KLF8: variants seen among roughly 807,000 people sequenced by gnomAD.
KLF8 encodes Krueppel-like factor 8.
In KLF8, 10 loss-of-function variants were observed where a neutral mutation model predicts 18.2. The observed-to-expected ratio is 0.55, with a 90% CI of 0.34 to 0.93. The LOEUF (loss-of-function observed/expected upper bound fraction) is 0.93, where lower values mean the gene tolerates loss of function less well. KLF8 is among the 40% of genes least tolerant of loss of function. The probability of loss-of-function intolerance (pLI) is 0.02; values close to 1 mark genes in which losing one functional copy is unlikely to be tolerated. For missense variants in KLF8, 264 were observed against 277.9 expected, an observed-to-expected ratio of 0.95 and a Z score of 0.36; for synonymous variants, 109 against 97.3, an observed-to-expected ratio of 1.12 and a Z score of -0.71.
the KLF8 span, among the ~76,000 whole-genome samples, chrX:55,950,271 A>G: frequency 9.0e-6 from 1 of 110,813 alleles, no homozygotes; most frequent in African/African-American, 3.3e-5. Flanking sequence ...CAAGAAGAAG[A>G]GCTGGTTGTC....
chrX:56,026,232 C>T, the KLF8 span, among the ~76,000 whole-genome samples: 1 of 111,489 alleles, frequency 9.0e-6, no homozygotes, highest in Non-Finnish European at 1.9e-5. Flanking sequence ...CCATCATGGC[C>T]GCAGAGGAGC....
At chrX:56,055,679 C>T in the KLF8 span, among the ~76,000 whole-genome samples, 1 of 111,990 alleles carries the variant, frequency 8.9e-6, no homozygotes, top group South Asian at 3.7e-4. Context: ...TTTACACTCT[C>T]TCCATCTTTC....
At chrX:56,108,237 T>C in the KLF8 span, among the ~76,000 whole-genome samples, 1 of 112,167 alleles carries the variant, frequency 8.9e-6, no homozygotes, top group Admixed American at 9.5e-5. Context: ...TCCAGTGCAA[T>C]GTTGAATAGC....
At chrX:55,954,286 A>G in the KLF8 span, among the ~76,000 whole-genome samples, 237 of 111,885 alleles carry the variant, frequency 2.1e-3, no homozygotes, top group Middle Eastern at 9.3e-3. Context: ...TACTACAAGG[A>G]AAGGATCAAC....
chrX:56,036,621 C>G, the KLF8 span, among the ~76,000 whole-genome samples: 1 of 112,143 alleles, frequency 8.9e-6, no homozygotes, highest in Non-Finnish European at 1.9e-5. Context: ...GTGCTTCCTG[C>G]AGCCTTGTTC....
the KLF8 span, among the ~76,000 whole-genome samples, chrX:56,126,492 CA>C: frequency 9.0e-6 from 1 of 111,355 alleles, no homozygotes; most frequent in Non-Finnish European, 1.9e-5. Flanking sequence ...TAGATCAGAT[CA>C]CACCTCCACT....
chrX:56,140,797 T>TAAAAAAAAA, the KLF8 span, among the ~76,000 whole-genome samples: 1 of 43,912 alleles, frequency 2.3e-5, no homozygotes, highest in Non-Finnish European at 4.0e-5. Flanking sequence ...GCCCCTCCAG[T>TAAAAAAAAA]AAAAAAAAAA....
chrX:56,089,208 C>T, the KLF8 span, among the ~76,000 whole-genome samples: 1 of 111,280 alleles, frequency 9.0e-6, no homozygotes, highest in African/African-American at 3.3e-5. Flanking sequence ...TTCTTGCTCT[C>T]TCAGTGCCAA....
At chrX:56,001,753 C>G in the KLF8 span, among the ~76,000 whole-genome samples, 1 of 111,911 alleles carries the variant, frequency 8.9e-6, no homozygotes, top group African/African-American at 3.2e-5. Flanking sequence ...GCTTCCTTGT[C>G]ACTCAATGCT....
At chrX:56,111,006 G>A in the KLF8 span, among the ~76,000 whole-genome samples, 1 of 111,067 alleles carries the variant, frequency 9.0e-6, no homozygotes, top group Non-Finnish European at 1.9e-5. Flanking sequence ...CATTTTATTA[G>A]AGTCCTTCTA....
the KLF8 span, among the ~76,000 whole-genome samples, chrX:56,173,134 T>C: frequency 8.9e-6 from 1 of 112,134 alleles, no homozygotes; most frequent in Admixed American, 9.5e-5. Flanking sequence ...TTGTCTTTTG[T>C]TGCCATTGCT....
the KLF8 span, among the ~76,000 whole-genome samples, chrX:56,222,657 G>A: frequency 5.3e-5 from 6 of 112,779 alleles, no homozygotes; most frequent in African/African-American, 1.3e-4. Context: ...AGCAGGGGGC[G>A]GCGCTCGTTG....
chrX:56,089,300 T>C, the KLF8 span, among the ~76,000 whole-genome samples: 4 of 112,064 alleles, frequency 3.6e-5, no homozygotes, highest in Admixed American at 2.9e-4. Context: ...ATTTAATTTT[T>C]ACTAATTTCC....
At chrX:55,936,151 A>C in the KLF8 span, among the ~76,000 whole-genome samples, 1 of 111,899 alleles carries the variant, frequency 8.9e-6, no homozygotes, top group African/African-American at 3.2e-5. Flanking sequence ...AACCTGTTAA[A>C]ATTTTCTCTC....
At chrX:56,028,103 T>C in the KLF8 span, among the ~76,000 whole-genome samples, 1 of 112,173 alleles carries the variant, frequency 8.9e-6, no homozygotes, top group Non-Finnish European at 1.9e-5. Flanking sequence ...GCCCCACAGT[T>C]TGAGTTAAAA....
At chrX:55,913,275 A>T in the KLF8 span, among the ~76,000 whole-genome samples, 1 of 111,190 alleles carries the variant, frequency 9.0e-6, no homozygotes, top group Non-Finnish European at 1.9e-5. Context: ...TCTGCCTCCA[A>T]TCTGTATGTC....
the KLF8 span, among the ~76,000 whole-genome samples, chrX:56,179,748 T>C: frequency 1.8e-5 from 2 of 112,002 alleles, no homozygotes; most frequent in South Asian, 3.7e-4. Context: ...ATTGAGATAA[T>C]CATGTGGTTT....
At chrX:55,989,242 G>A in the KLF8 span, among the ~76,000 whole-genome samples, 7 of 111,827 alleles carry the variant, frequency 6.3e-5, no homozygotes, top group Non-Finnish European at 1.1e-4. Context: ...ACACTGTGTT[G>A]AATAGGGGTG....
In KLF8 at chrX:56,284,571, CTT is replaced by C; in HGVS notation, c.*79_*80del. 1.1e-6 allele frequency: 1 copy of C among 897,939 alleles called. No homozygotes were observed. Among genetic ancestry groups the C allele is most frequent in the Non-Finnish European group, 1.5e-6 (1 of 670,358 alleles). 74.0% of individuals were successfully genotyped at this position (897,939 alleles called of 1,213,427 possible). ...GCTGAGGTTGGGACAATTTTTTCCT[CTT>C]TGACTTCAGCTTGCATATGGGGTTG... On this transcript the variant is annotated 3_prime_UTR_variant, in exon 6 of 6. Coordinates refer to ENST00000468660, the MANE Select transcript of KLF8 (RefSeq NM_007250.5).
Sources: allele counts gnomAD v4.1 joint callset (sites outside exome capture counted in the v4.1 genomes callset), GRCh38; gene constraint gnomAD v4.1.1; transcripts MANE v1.5; gene names NCBI Gene and HGNC (gene_info 2026-07-23, HGNC 2026-07-21).